UNC80: variants seen among roughly 807,000 people sequenced by gnomAD.
UNC80 encodes the protein protein unc-80 homolog.
In UNC80, 164 loss-of-function variants were observed where a neutral mutation model predicts 384.6. That is an observed-to-expected ratio of 0.43 (90% CI 0.38 to 0.49). UNC80 has a LOEUF of 0.49. Among genes scored for constraint, UNC80 ranks in the 20% least tolerant of loss-of-function variants. The pLI is 0.00. For missense variants in UNC80, 3,330 were observed against 4,143.0 expected (o/e 0.80, Z 5.39); for synonymous variants, 1,486 against 1,527.8 (o/e 0.97, Z 0.64).
chr2:209,893,804 C>T (rs868309016), intron 26 of UNC80, among the ~76,000 whole-genome samples: 2 of 152,202 alleles, frequency 1.3e-5, no homozygotes, highest in South Asian at 2.1e-4. Flanking sequence ...AGTCCCATTT[C>T]GAAAGGAAAG....
At chr2:209,951,268 C>T (rs934372680) in intron 47 of UNC80, among the ~76,000 whole-genome samples, 2 of 151,242 alleles carry the variant, frequency 1.3e-5, no homozygotes, top group African/African-American at 4.9e-5. Flanking sequence ...GATCTTATTG[C>T]ACATTTGAAT....
intron 12 of UNC80, among the ~76,000 whole-genome samples, chr2:209,819,788 C>A (rs2080011388): frequency 6.6e-6 from 1 of 151,936 alleles, no homozygotes; most frequent in Non-Finnish European, 1.5e-5. Flanking sequence ...CCTGGCTTAG[C>A]AAATAATTTA....
Position 209,804,772 on chromosome 2 carries a change from TG to T in UNC80, c.939-8807del, listed in dbSNP as rs1257322674. 2.4e-4 allele frequency among the ~76,000 whole-genome samples: 11 copies of T among 46,776 alleles called. No homozygotes were observed. In the South Asian group the frequency reaches 6.7e-3, roughly 28 times the overall value. The allele number at this position is 46,776 out of a possible 152,430, so 30.7% of individuals were successfully genotyped here. ...AGAGAGTTTTTTTTTTGTTTTGTTT[TG>T]TTTTTTTTTTGAGACAAAGTCTCGC... On this transcript the variant is annotated intron_variant, in intron 7 of 64. Coordinates refer to ENST00000673920, the MANE Select transcript of UNC80 (RefSeq NM_001371986.1).
At chr2:209,830,279 T>G (rs575973797) in intron 15 of UNC80, among the ~76,000 whole-genome samples, 2 of 152,300 alleles carry the variant, frequency 1.3e-5, no homozygotes, top group African/African-American at 2.4e-5. Flanking sequence ...ATATTGCTCC[T>G]CTATAGAACC....
chr2:209,897,187 A>G (rs2086880015), intron 28 of UNC80, among the ~76,000 whole-genome samples: 2 of 152,164 alleles, frequency 1.3e-5, no homozygotes, highest in Admixed American at 1.3e-4. Flanking sequence ...TAAACTTTTT[A>G]GTGAACTCTA....
chr2:209,817,724 T>A (rs969199982), intron 10 of UNC80, 88 bp from the exon 11 acceptor site: 2 of 1,479,138 alleles, frequency 1.4e-6, no homozygotes, highest in Non-Finnish European at 1.8e-6. Flanking sequence ...CCCCACACTC[T>A]CCCTGCTGTC....
chr2:209,953,416 C>CAAAA (rs543990253), intron 47 of UNC80, among the ~76,000 whole-genome samples: 35 of 42,434 alleles, frequency 8.2e-4, no homozygotes, highest in African/African-American at 2.3e-3. Flanking sequence ...AAGACTCTGT[C>CAAAA]AAAAAAAAAA....
intron 28 of UNC80, among the ~76,000 whole-genome samples, chr2:209,902,598 C>G (rs937804497): frequency 3.9e-5 from 6 of 152,170 alleles, no homozygotes; most frequent in African/African-American, 1.4e-4. Flanking sequence ...AACCACTTCT[C>G]TCTCTCATCA....
chr2:209,808,828 A>T, intron 7 of UNC80: 1 of 342,964 alleles, frequency 2.9e-6, no homozygotes, highest in Non-Finnish European at 5.6e-6. Context: ...CCTCGTCAGG[A>T]AGCTCCCTGA....
At chr2:209,847,005 A>G (rs1412889345) in intron 21 of UNC80, among the ~76,000 whole-genome samples, 1 of 152,042 alleles carries the variant, frequency 6.6e-6, no homozygotes, top group East Asian at 1.9e-4. Flanking sequence ...TAAAAGTCTG[A>G]CCTTCTTCCA....
At chr2:209,967,779 A>G in intron 52 of UNC80, 142 bp downstream of exon 52, 1 of 692,278 alleles carries the variant, frequency 1.4e-6, no homozygotes, top group South Asian at 2.1e-5. Flanking sequence ...AATAGGGTCT[A>G]TGAATGCCTA....
At chr2:209,800,035 G>T (rs907200115) in intron 7 of UNC80, among the ~76,000 whole-genome samples, 25 of 151,938 alleles carry the variant, frequency 1.6e-4, no homozygotes, top group Admixed American at 2.6e-4. Flanking sequence ...AATTTTTTTT[G>T]TTGTGTCTCT....
At position 209,832,031 on chromosome 2, in the gene UNC80, A is replaced by T. The variant is rs1325499800; in HGVS notation, c.2775+440A>T. On this transcript the variant is annotated intron_variant, in intron 16 of 64. Transcript: ENST00000673920. ...TATTAAGTACTGTCTGTAATCTTTTAGCTACTTGTCTTGAAAGACTGTTAA... is the reference window on the plus strand; with the variant it reads ...TATTAAGTACTGTCTGTAATCTTTTTGCTACTTGTCTTGAAAGACTGTTAA... 2.0e-5 allele frequency among the ~76,000 whole-genome samples: 3 copies of T among 152,328 alleles called. No individual in the cohort carries two copies. The East Asian group carries it at 5.8e-4, about 29-fold the overall frequency.
At chr2:209,774,646 T>C (rs1454056525) in intron 2 of UNC80, among the ~76,000 whole-genome samples, 2 of 152,184 alleles carry the variant, frequency 1.3e-5, no homozygotes, top group African/African-American at 4.8e-5. Context: ...TATAAATTCT[T>C]TATAATCTTT....
At chr2:209,935,874 A>G (rs980334327) in intron 40 of UNC80, 66 bp downstream of exon 40, 13 of 970,134 alleles carry the variant, frequency 1.3e-5, no homozygotes, top group Non-Finnish European at 1.7e-5. Context: ...CTGAAGATCC[A>G]TTTTAGAATA....
At chr2:209,867,517 C>T (rs2083937045) in intron 22 of UNC80, among the ~76,000 whole-genome samples, 1 of 152,088 alleles carries the variant, frequency 6.6e-6, no homozygotes, top group Admixed American at 6.5e-5. Context: ...TTTTGTTTCT[C>T]CCCCTCTGTC....
chr2:209,929,725 A>C, intron 36 of UNC80, 146 bp from the exon 37 acceptor site: 1 of 546,248 alleles, frequency 1.8e-6, no homozygotes, highest in South Asian at 2.9e-5. Context: ...CGAAGAGAAC[A>C]AACACCTACG....
chr2:209,972,364 T>C, intron 55 of UNC80, 40 bp downstream of exon 55: 1 of 1,544,636 alleles, frequency 6.5e-7, no homozygotes, highest in East Asian at 2.5e-5. Flanking sequence ...TCATTGTTGT[T>C]GTGTTCTCTT....
At chr2:209,788,634 A>T (rs1032726623) in intron 5 of UNC80, among the ~76,000 whole-genome samples, 7 of 148,434 alleles carry the variant, frequency 4.7e-5, no homozygotes, top group African/African-American at 1.7e-4. Context: ...TAAATATATG[A>T]CTATATTAAA....
Sources: allele counts gnomAD v4.1 joint callset (sites outside exome capture counted in the v4.1 genomes callset), GRCh38; gene constraint gnomAD v4.1.1; transcripts MANE v1.5; gene names NCBI Gene and HGNC (gene_info 2026-07-23, HGNC 2026-07-21).